MYO6: variants seen among roughly 807,000 people sequenced by gnomAD.
MYO6 encodes unconventional myosin-VI.
Under a neutral mutation model 178.7 loss-of-function variants are expected in MYO6, and 74 were observed. The observed-to-expected ratio is 0.41, with a 90% CI of 0.34 to 0.50. MYO6 has a LOEUF of 0.50. Ranked by LOEUF, MYO6 falls within the 20% of genes least tolerant of loss-of-function variation. The pLI is 0.09. For synonymous variants in MYO6, 477 were observed against 504.6 expected (o/e 0.95, Z 0.73); for missense variants, 1,330 against 1,547.4 (o/e 0.86, Z 2.36).
chr6:75,875,737 A>G (rs1377013879), intron 20 of MYO6, among the ~76,000 whole-genome samples: 1 of 152,214 alleles, frequency 6.6e-6, no homozygotes, highest in Non-Finnish European at 1.5e-5. Flanking sequence ...CCTTCTAAAT[A>G]GTGAGTCCTG....
At chr6:75,757,298 A>G (rs1415518115) in intron 1 of MYO6, among the ~76,000 whole-genome samples, 5 of 148,714 alleles carry the variant, frequency 3.4e-5, no homozygotes, top group African/African-American at 4.9e-5. Flanking sequence ...ATGTGTGTGT[A>G]TGTATACACA....
intron 9 of MYO6, 127 bp downstream of exon 9, chr6:75,841,505 G>GA: frequency 1.2e-6 from 1 of 832,620 alleles, no homozygotes; most frequent in Non-Finnish European, 1.9e-6. Context: ...CCTGGGCAAT[G>GA]TAGCGAGACC....
chr6:75,818,425 A>G (rs944589178), intron 2 of MYO6, among the ~76,000 whole-genome samples: 11 of 152,146 alleles, frequency 7.2e-5, no homozygotes, highest in African/African-American at 2.2e-4. Context: ...TGGTTCCACA[A>G]TTGGTTTATT....
intron 20 of MYO6, among the ~76,000 whole-genome samples, chr6:75,876,739 A>G (rs762196980): frequency 5.3e-5 from 8 of 152,268 alleles, no homozygotes; most frequent in Non-Finnish European, 1.2e-4. Flanking sequence ...AATTCATTAT[A>G]CTTTGATTTT....
At chr6:75,804,883 C>T (rs1169909482) in intron 1 of MYO6, among the ~76,000 whole-genome samples, 1 of 148,118 alleles carries the variant, frequency 6.8e-6, no homozygotes, top group African/African-American at 2.5e-5. Context: ...TATATATACA[C>T]ACACACACAT....
intron 23 of MYO6, among the ~76,000 whole-genome samples, chr6:75,882,065 A>G (rs149233439): frequency 6.6e-6 from 1 of 152,182 alleles, no homozygotes; most frequent in Non-Finnish European, 1.5e-5. Flanking sequence ...AGAATTCACT[A>G]TCTTGATCTC....
chr6:75,764,105 G>A (rs186303932), intron 1 of MYO6, among the ~76,000 whole-genome samples: 5 of 151,896 alleles, frequency 3.3e-5, no homozygotes, highest in Admixed American at 1.3e-4. Context: ...GACTGCATTC[G>A]TACCATTATA....
chr6:75,863,651 A>G (rs1338238834), intron 16 of MYO6, among the ~76,000 whole-genome samples: 3 of 151,916 alleles, frequency 2.0e-5, no homozygotes, highest in Non-Finnish European at 4.4e-5. Context: ...ACGCCCGGCT[A>G]ATTTTTGTAT....
chr6:75,837,624 T>G (rs1583232932), intron 7 of MYO6, among the ~76,000 whole-genome samples: 1 of 152,328 alleles, frequency 6.6e-6, no homozygotes, highest in South Asian at 2.1e-4. Flanking sequence ...ATATGTGCAT[T>G]TTTCACAATG....
intron 1 of MYO6, among the ~76,000 whole-genome samples, chr6:75,791,814 TAGCTATTTTA>T (rs1222463452): frequency 6.6e-6 from 1 of 152,264 alleles, no homozygotes; most frequent in Non-Finnish European, 1.5e-5. Context: ...ACACTAATCC[TAGCTATTTTA>T]AACTGGCTTT....
Position 75,812,277 on chromosome 6 carries a change from C to T in MYO6, c.-47-5224C>T, listed in dbSNP as rs556589368. On this transcript the variant is annotated intron_variant, in intron 1 of 34. Coordinates refer to ENST00000369977, the MANE Select transcript of MYO6 (RefSeq NM_004999.4). ...CTAGGATCAAGTGATCCTCCCACTTCGGCTTCTCAAAGTGCTTTTTTTAAA... is the reference window on the plus strand; with the variant it reads ...CTAGGATCAAGTGATCCTCCCACTTTGGCTTCTCAAAGTGCTTTTTTTAAA... Among the ~76,000 whole-genome samples the T allele has an allele frequency of 7.9e-5, 12 of 152,206 alleles. No homozygotes were observed. The South Asian group carries it at 1.2e-3, about 16-fold the overall frequency.
intron 1 of MYO6, among the ~76,000 whole-genome samples, chr6:75,813,781 C>T (rs1323105805): frequency 6.6e-6 from 1 of 152,106 alleles, no homozygotes; most frequent in Non-Finnish European, 1.5e-5. Flanking sequence ...GGGTTCTTCC[C>T]CCCAAATCAG....
chr6:75,787,852 T>A (rs1767827033), intron 1 of MYO6, among the ~76,000 whole-genome samples: 1 of 148,144 alleles, frequency 6.8e-6, no homozygotes. Flanking sequence ...CTTAACCTCC[T>A]GGGATCAAGT....
Position 75,855,228 on chromosome 6 carries a change from T to A in MYO6, c.1168T>A (p.Leu390Met). ...GLDQDDLRVS[L>M]TTRVMLTTAG... ...GGACCAAGATGATCTTCGAGTAAGT[T>A]TGACCACAAGAGTCATGCTAACAAC... The change falls in exon 12 of 35, where the codon TTG becomes ATG. Residue 390 changes from leucine (L) to methionine (M), a missense_variant. By Grantham distance (15) the Leu-to-Met change is conservative. Around this residue, in one of 3 missense-constraint regions of MYO6, gnomAD observed 613 missense variants for 816.8 expected, o/e 0.75. Transcript: ENST00000369977. 6.2e-7 allele frequency: 1 copy of A among 1,613,722 alleles called. No homozygotes were observed. The highest frequency in any genetic ancestry group is 8.5e-7 in the Non-Finnish European group (1 of 1,179,744).
At position 75,917,072 on chromosome 6, in the gene MYO6, C is replaced by G. The variant is rs1166231824; in HGVS notation, c.*2060C>G. 1 of 152,380 alleles carries G rather than the reference C, an allele frequency of 6.6e-6. No homozygotes were observed. The highest frequency in any genetic ancestry group is 1.5e-5 in the Non-Finnish European group (1 of 68,050). The allele number at this position is 152,380 out of a possible 1,614,324, so 9.4% of individuals were successfully genotyped here. On this transcript the variant is annotated 3_prime_UTR_variant, in exon 35 of 35. Transcript: ENST00000369977. Reference sequence around the variant, plus strand: ...AACCTACGTACAGTAGATGCACATACACACAGACACCCCTTTGCTGGAGAA... The same window carrying G: ...AACCTACGTACAGTAGATGCACATAGACACAGACACCCCTTTGCTGGAGAA...
At chr6:75,814,418 C>CT (rs1364577945) in intron 1 of MYO6, among the ~76,000 whole-genome samples, 1 of 152,074 alleles carries the variant, frequency 6.6e-6, no homozygotes, top group African/African-American at 2.4e-5. Context: ...TATGAAGATG[C>CT]TTTTTTTGGG....
intron 10 of MYO6, among the ~76,000 whole-genome samples, chr6:75,847,587 AAAC>A: frequency 6.6e-6 from 1 of 152,194 alleles, no homozygotes; most frequent in Middle Eastern, 3.4e-3. Flanking sequence ...TTAGGAGAGA[AAAC>A]AAATTTTCTT....
intron 10 of MYO6, among the ~76,000 whole-genome samples, chr6:75,845,952 A>G (rs1410281483): frequency 6.6e-6 from 1 of 150,668 alleles, no homozygotes; most frequent in Non-Finnish European, 1.5e-5. Context: ...GCACCACTGT[A>G]CTCCAGCCTG....
intron 20 of MYO6, 151 bp downstream of exon 20, chr6:75,873,451 G>A (rs1777309647): frequency 1.3e-6 from 1 of 763,564 alleles, no homozygotes; most frequent in Admixed American, 2.1e-5. Context: ...TATAAGAAAA[G>A]TATAGAGCCA....
Sources: allele counts gnomAD v4.1 joint callset (sites outside exome capture counted in the v4.1 genomes callset), GRCh38; gene constraint gnomAD v4.1.1; regional missense constraint gnomAD v4.1.1; transcripts MANE v1.5; gene names NCBI Gene and HGNC (gene_info 2026-07-23, HGNC 2026-07-21).